Variants in TAOK3 observed in about 807,000 individuals in gnomAD.
TAOK3 encodes the protein serine/threonine-protein kinase TAO3.
In TAOK3, 40 loss-of-function variants were observed where a neutral mutation model predicts 120.4. The ratio of observed to expected loss-of-function variants is 0.33; its 90% CI spans 0.26 to 0.43. The LOEUF (loss-of-function observed/expected upper bound fraction) is 0.43, where lower values mean the gene tolerates loss of function less well. Among genes scored for constraint, TAOK3 ranks in the 20% least tolerant of loss-of-function variants. The pLI is 1.00. For missense variants in TAOK3, 821 were observed against 1,112.1 expected (o/e 0.74, Z 3.72); for synonymous variants, 355 against 387.5 (o/e 0.92, Z 0.99).
chr12:118,155,782 G>A (rs1051317640), intron 19 of TAOK3, among the ~76,000 whole-genome samples: 1 of 151,954 alleles, frequency 6.6e-6, no homozygotes, highest in African/African-American at 2.4e-5. Flanking sequence ...TGTTGCTCAG[G>A]CTGGAGTGCA....
chr12:118,159,314 T>A (rs2035059554), intron 19 of TAOK3, among the ~76,000 whole-genome samples: 1 of 22,470 alleles, frequency 4.5e-5, no homozygotes, highest in Non-Finnish European at 1.3e-4. Flanking sequence ...ATCACTCACT[T>A]TTTTTTTTTT....
At chr12:118,197,928 C>T (rs767723825) in intron 13 of TAOK3, among the ~76,000 whole-genome samples, 14 of 152,128 alleles carry the variant, frequency 9.2e-5, no homozygotes, top group Middle Eastern at 3.4e-3. Flanking sequence ...ACCTCGTGAT[C>T]CGCCCACCTC....
chr12:118,307,726 G>A (rs1464632304), intron 1 of TAOK3, among the ~76,000 whole-genome samples: 2 of 152,126 alleles, frequency 1.3e-5, no homozygotes, highest in Admixed American at 6.6e-5. Context: ...TGTTAATGAA[G>A]TTCCGGAAGT....
At chr12:118,219,027 A>G (rs562898483) in intron 9 of TAOK3, among the ~76,000 whole-genome samples, 52 of 152,270 alleles carry the variant, frequency 3.4e-4, no homozygotes, top group Non-Finnish European at 6.5e-4. Flanking sequence ...GCTTCCCATC[A>G]TTCTTAGGCC....
intron 19 of TAOK3, among the ~76,000 whole-genome samples, chr12:118,156,020 C>A (rs964701466): frequency 1.3e-5 from 2 of 152,222 alleles, no homozygotes; most frequent in Non-Finnish European, 2.9e-5. Context: ...AGCCACCGCG[C>A]CTGGTCTCTC....
chr12:118,240,465 C>T (rs1299414564), intron 5 of TAOK3, among the ~76,000 whole-genome samples: 1 of 151,676 alleles, frequency 6.6e-6, no homozygotes. Context: ...AGGTGTGAGC[C>T]ACCGTGCCCG....
At chr12:118,283,116 C>T (rs1053108508) in intron 1 of TAOK3, among the ~76,000 whole-genome samples, 1 of 152,156 alleles carries the variant, frequency 6.6e-6, no homozygotes, top group Non-Finnish European at 1.5e-5. Flanking sequence ...TCCATATCTA[C>T]AAAATATTAT....
chr12:118,260,722 C>T (rs535446852), intron 2 of TAOK3, among the ~76,000 whole-genome samples: 21 of 152,204 alleles, frequency 1.4e-4, no homozygotes, highest in Middle Eastern at 6.8e-3. Flanking sequence ...GTTCTGTTGC[C>T]CAGGCTAGAG....
In TAOK3 at chr12:118,189,817, G is replaced by C; in HGVS notation, c.1319C>G (p.Ser440Ter). Residue 440 changes from serine to a stop codon, truncating the protein, a stop_gained, in exon 14 of 21, where the codon TCA becomes TGA. Coordinates refer to ENST00000392533, the MANE Select transcript of TAOK3 (RefSeq NM_016281.4). LOFTEE classifies it high-confidence loss of function. ...GGGGTGTTTGCTTACCAAAGATGCT[G>C]ATTTGATCGTGGCAAAGCGCTCTCT... ...RNRERFATIK[S>*]ASLVTRQIHE... 6.2e-7 allele frequency: 1 copy of C among 1,614,208 alleles called. No homozygotes were observed. The highest frequency in any genetic ancestry group is 8.5e-7 in the Non-Finnish European group (1 of 1,180,024).
intron 1 of TAOK3, among the ~76,000 whole-genome samples, chr12:118,314,811 G>T (rs2043388141): frequency 6.6e-6 from 1 of 151,908 alleles, no homozygotes; most frequent in Non-Finnish European, 1.5e-5. Flanking sequence ...TCAGAATAAG[G>T]TGAAAAAAAT....
intron 11 of TAOK3, among the ~76,000 whole-genome samples, chr12:118,206,287 C>T (rs994469551): frequency 1.3e-5 from 2 of 152,190 alleles, no homozygotes; most frequent in Non-Finnish European, 2.9e-5. Flanking sequence ...GGACTGCTTA[C>T]GCCACTTCCT....
intron 13 of TAOK3, among the ~76,000 whole-genome samples, chr12:118,193,017 C>T (rs1270147943): frequency 6.6e-6 from 1 of 150,572 alleles, no homozygotes; most frequent in Non-Finnish European, 1.5e-5. Context: ...TTAAGTAAAC[C>T]TACGTTAACC....
In TAOK3 at chr12:118,160,115, C is replaced by T. The variant is rs762216699; in HGVS notation, c.2352+31G>A. ...GGATTTTCTTGATTCCCAAAGCTCT[C>T]GAAGCCGTGGCACCAAACCTAACCA... is the stretch of plus-strand genomic sequence containing the variant. On this transcript the variant is annotated intron_variant, in intron 19 of 20. Coordinates refer to ENST00000392533, the MANE Select transcript of TAOK3 (RefSeq NM_016281.4). The surrounding 1 kb of genome is among the most constrained non-coding windows in gnomAD (Gnocchi z 4.2). The T allele has an allele frequency of 1.9e-5, 30 of 1,546,028 alleles. No homozygotes were observed. Among genetic ancestry groups the T allele is most frequent in the Middle Eastern group, 1.7e-4 (1 of 5,936 alleles).
chr12:118,254,737 G>A (rs968481631), intron 3 of TAOK3, among the ~76,000 whole-genome samples: 1 of 151,996 alleles, frequency 6.6e-6, no homozygotes, highest in Non-Finnish European at 1.5e-5. Flanking sequence ...AATGCACAAA[G>A]CTCAACTTCA....
At position 118,273,318 on chromosome 12, in the gene TAOK3, C is replaced by T. The variant is rs547500565; in HGVS notation, c.-193-6559G>A. ...GAGATCCAGACCATCCTCGCTAACA[C>T]GGTGAAACCCCATCTCTACTAAAAA... On this transcript the variant is annotated intron_variant, in intron 1 of 20. Coordinates refer to ENST00000392533, the MANE Select transcript of TAOK3 (RefSeq NM_016281.4). Among the ~76,000 whole-genome samples the T allele has an allele frequency of 8.6e-5, 13 of 151,988 alleles. No homozygotes were observed. The South Asian group carries it at 1.9e-3, about 22-fold the overall frequency.
chr12:118,338,430 C>T (rs2141092053), intron 1 of TAOK3, among the ~76,000 whole-genome samples: 1 of 152,220 alleles, frequency 6.6e-6, no homozygotes, highest in East Asian at 1.9e-4. Context: ...TTGCATCAAT[C>T]AATCAATAGA....
At position 118,362,479 on chromosome 12, in the gene TAOK3, C is replaced by CA. The variant is rs2045629216; in HGVS notation, c.-194+10168dup. On this transcript the variant is annotated intron_variant, in intron 1 of 20. Transcript: ENST00000392533. ...CAAGTTTGCACGTAGGAATATAAGA[C>CA]AAACAAGCAAAAAATTCGGCATGTG... Among the ~76,000 whole-genome samples the CA allele has an allele frequency of 2.0e-5, 3 of 151,966 alleles. No homozygotes were observed. The South Asian group carries it at 6.2e-4, about 32-fold the overall frequency.
intron 1 of TAOK3, among the ~76,000 whole-genome samples, chr12:118,350,882 A>T (rs1051803695): frequency 1.4e-5 from 2 of 146,174 alleles, no homozygotes; most frequent in Non-Finnish European, 3.1e-5. Flanking sequence ...AAAGAAAAGA[A>T]AAAGAAAAAA....
chr12:118,316,154 T>C (rs112921327), intron 1 of TAOK3, among the ~76,000 whole-genome samples: 3 of 152,218 alleles, frequency 2.0e-5, no homozygotes, highest in African/African-American at 7.2e-5. Context: ...CCTTCTTAAA[T>C]AAATTTATGT....
Sources: gnomAD v4.1 joint callset for allele counts (sites outside exome capture counted in the v4.1 genomes callset) on GRCh38, gnomAD v4.1.1 for gene constraint, Gnocchi (gnomAD v3.1) non-coding constraint, MANE v1.5 for transcripts, NCBI Gene and HGNC (gene_info 2026-07-23, HGNC 2026-07-21) for gene names.